The following ZCCHC2 variants were observed in gnomAD, a reference collection of about 807,000 sequenced individuals.
ZCCHC2 encodes the protein zinc finger CCHC-type containing 2, also known as zinc finger CCHC domain-containing protein 2.
In ZCCHC2, 39 loss-of-function variants were observed where a neutral mutation model predicts 103.6. The observed-to-expected ratio is 0.38, with a 90% confidence interval of 0.29 to 0.49. The LOEUF is 0.49. ZCCHC2 is among the 20% of genes least tolerant of loss of function. The pLI, the probability that ZCCHC2 is intolerant of heterozygous loss-of-function variation, is 0.96. For missense variants in ZCCHC2, 1,483 were observed against 1,491.0 expected, an observed-to-expected ratio of 0.99 and a Z score of 0.09; for synonymous variants, 687 against 608.9, an observed-to-expected ratio of 1.13 and a Z score of -1.89.
chr18:62,535,626 T>A (rs1914889993), intron 1 of ZCCHC2, among the ~76,000 whole-genome samples: 2 of 152,144 alleles, frequency 1.3e-5, no homozygotes, highest in Non-Finnish European at 2.9e-5. Context: ...GAAGTGCATG[T>A]CTCATGTGGT....
chr18:62,564,094 A>G (rs1176182328), intron 9 of ZCCHC2, among the ~76,000 whole-genome samples: 1 of 152,228 alleles, frequency 6.6e-6, no homozygotes, highest in Non-Finnish European at 1.5e-5. Flanking sequence ...GTTTTTATGC[A>G]TTAAAGCATA....
chr18:62,526,334 A>G (rs1406644030), intron 1 of ZCCHC2: 1 of 152,322 alleles, frequency 6.6e-6, no homozygotes, highest in East Asian at 1.9e-4. Flanking sequence ...GCCGCGTACT[A>G]CAGGTGACAC....
At chr18:62,541,605 AC>A (rs1915185058) in intron 2 of ZCCHC2, among the ~76,000 whole-genome samples, 2 of 151,922 alleles carry the variant, frequency 1.3e-5, no homozygotes, top group African/African-American at 2.4e-5. Flanking sequence ...CTTCTCTGTA[AC>A]CTTTAGCATA....
rs979365561 is a variant in ZCCHC2 at position 62,523,877 on chromosome 18, G to A, written c.453G>A (p.Lys151=). The part of the protein sequence containing the change: ...DYHYLRDSEA[K]ANGLSDPGPL... ...ACTACCTGCGCGACTCGGAGGCCAAGGCCAACGGCCTCTCGGACCCGGGGC... is the reference window on the plus strand; with the variant it reads ...ACTACCTGCGCGACTCGGAGGCCAAAGCCAACGGCCTCTCGGACCCGGGGC... The change falls in exon 1 of 14, where the codon AAG becomes AAA. Residue 151 remains lysine, a synonymous_variant. Coordinates refer to ENST00000269499, the MANE Select transcript of ZCCHC2 (RefSeq NM_017742.6). The A allele has an allele frequency of 6.5e-7, 1 of 1,542,652 alleles. No homozygotes were observed. Among genetic ancestry groups the A allele is most frequent in the Non-Finnish European group, 8.7e-7 (1 of 1,145,762 alleles).
At chr18:62,567,106 AT>A (rs1916402083) in intron 11 of ZCCHC2, among the ~76,000 whole-genome samples, 1 of 152,158 alleles carries the variant, frequency 6.6e-6, no homozygotes, top group Non-Finnish European at 1.5e-5. Flanking sequence ...TGAATGAAAT[AT>A]TTTTTGTACA....
chr18:62,577,089 A>C lies in ZCCHC2; in HGVS notation c.*510A>C, dbSNP rs1484367324. The C allele has an allele frequency of 6.3e-6, 1 of 158,866 alleles. No homozygotes were observed. Among genetic ancestry groups the C allele is most frequent in the African/African-American group, 2.4e-5 (1 of 41,472 alleles). The allele number at this position is 158,866 out of a possible 1,614,324, so 9.8% of individuals were successfully genotyped here. A position where few individuals can be genotyped will look rare whatever the true frequency, so the allele number is the denominator to read the frequency against. On this transcript the variant is annotated 3_prime_UTR_variant, in exon 14 of 14. Coordinates refer to ENST00000269499, the MANE Select transcript of ZCCHC2 (RefSeq NM_017742.6). The stretch of plus-strand genomic sequence containing the variant: ...AGCAGTGCATTCACCCCACTTTTGT[A>C]AACTGCTCTGCATATAAACCAAGGG...
intron 1 of ZCCHC2, chr18:62,525,574 C>G (rs1279819080): frequency 2.0e-5 from 3 of 152,132 alleles, no homozygotes; most frequent in Admixed American, 2.0e-4. Context: ...TCACTAGTGG[C>G]TTTGTGGACT....
At chr18:62,526,438 C>G (rs767484739) in intron 1 of ZCCHC2, 1 of 152,310 alleles carries the variant, frequency 6.6e-6, no homozygotes, top group Admixed American at 6.5e-5. Flanking sequence ...TAAGTTGTTA[C>G]GACCCCGCAT....
chr18:62,523,970 G>A lies in ZCCHC2; in HGVS notation c.546G>A (p.Ser182=). The A allele has an allele frequency of 6.7e-7, 1 of 1,497,894 alleles. No individual in the cohort carries two copies. The highest frequency in any genetic ancestry group is 8.9e-7 in the Non-Finnish European group (1 of 1,128,216). 92.8% of individuals were successfully genotyped at this position (1,497,894 alleles called of 1,614,324 possible). Residue 182 remains serine, a synonymous_variant, in exon 1 of 14, where the codon TCG becomes TCA. Transcript: ENST00000269499. ...RLIVYLALLG[S]ENREAAGRLH... ...TCGTCTACCTGGCGCTGCTGGGCTC[G>A]GAGAACCGGGAGGCCGCTGGCCGTC...
At chr18:62,578,849 C>T (rs1916961377), downstream of ZCCHC2, among the ~76,000 whole-genome samples, 1 of 152,164 alleles carries the variant, frequency 6.6e-6, no homozygotes, top group East Asian at 1.9e-4. Flanking sequence ...TCCCTGCAAC[C>T]TCTGCCTCCC....
At position 62,524,147 on chromosome 18, in the gene ZCCHC2, C is replaced by T. The variant is rs1348553983; in HGVS notation, c.723C>T (p.Gly241=). 6.5e-7 allele frequency: 1 copy of T among 1,544,412 alleles called. No individual in the cohort carries two copies. Among genetic ancestry groups the T allele is most frequent in the South Asian group, 1.2e-5 (1 of 83,876 alleles). Residue 241 remains glycine, a synonymous_variant, in exon 1 of 14, where the codon GGC becomes GGT. Transcript: ENST00000269499. The part of the protein sequence containing the change: ...AEKDGSGPEG[G]IVEPRVGGGL... ...AGGACGGCTCAGGCCCGGAAGGCGG[C>T]ATTGTGGAGCCCCGGGTCGGCGGCG... is the stretch of plus-strand genomic sequence containing the variant.
In ZCCHC2 at chr18:62,574,087, A is replaced by G; in HGVS notation, c.2006A>G (p.Asn669Ser). The change falls in exon 13 of 14, where the codon AAT (asparagine) becomes AGT (serine). Residue 669 changes from asparagine (N) to serine (S), a missense_variant. Transcript: ENST00000269499. The stretch of plus-strand genomic sequence containing the variant: ...GACAGCAATTCTGAGGATTCTGGGA[A>G]TCCATCAACAACTAGGTTTACAGGT... ...DTDSNSEDSG[N>S]PSTTRFTGYG... The G allele has an allele frequency of 6.2e-7, 1 of 1,613,794 alleles. No homozygotes were observed.
intron 12 of ZCCHC2, 92 bp downstream of exon 12, chr18:62,570,323 A>G: frequency 1.3e-6 from 2 of 1,485,518 alleles, no homozygotes; most frequent in South Asian, 1.3e-5. Flanking sequence ...AAGTCAAACA[A>G]GGAATTTTAT....
At chr18:62,537,238 G>A (rs1914967728) in intron 1 of ZCCHC2, among the ~76,000 whole-genome samples, 2 of 152,046 alleles carry the variant, frequency 1.3e-5, no homozygotes, top group African/African-American at 4.8e-5. Flanking sequence ...AAGTGCAGTG[G>A]CGCAGTCATG....
intron 1 of ZCCHC2, among the ~76,000 whole-genome samples, chr18:62,537,577 C>T (rs1057374190): frequency 2.0e-5 from 3 of 152,230 alleles, no homozygotes; most frequent in African/African-American, 7.2e-5. Context: ...AGCATACTCT[C>T]TTTGGGATTC....
chr18:62,535,931 T>C (rs1313718562), intron 1 of ZCCHC2, among the ~76,000 whole-genome samples: 1 of 152,228 alleles, frequency 6.6e-6, no homozygotes, highest in African/African-American at 2.4e-5. Context: ...AATAAAAAAC[T>C]CTTACTGCTG....
Position 62,539,876 on chromosome 18 carries a change from T to C in ZCCHC2, c.1051+84T>C. On this transcript the variant is annotated intron_variant, in intron 2 of 13. Transcript: ENST00000269499. ...CTTTACGCTGATTAACTCTAAACTT[T>C]TTACTCTCCTTTTTGAAGTGGAGAA... 4 of 1,100,850 alleles carry C rather than the reference T, an allele frequency of 3.6e-6. No individual in the cohort carries two copies. In the East Asian group the frequency reaches 1.0e-4, roughly 29 times the overall value. The allele number at this position is 1,100,850 out of a possible 1,614,324, so 68.2% of individuals were successfully genotyped here.
chr18:62,550,810 T>C (rs1216532887), intron 5 of ZCCHC2, among the ~76,000 whole-genome samples: 2 of 152,248 alleles, frequency 1.3e-5, no homozygotes, highest in African/African-American at 2.4e-5. Flanking sequence ...GTCAAGTGCC[T>C]GGGCTGGTGG....
chr18:62,557,452 C>T (rs1247654157), intron 6 of ZCCHC2, among the ~76,000 whole-genome samples: 2 of 152,124 alleles, frequency 1.3e-5, no homozygotes, highest in African/African-American at 4.8e-5. Context: ...ACGGGCTAAC[C>T]TTTAAAGTTT....
Sources: allele counts gnomAD v4.1 joint callset (sites outside exome capture counted in the v4.1 genomes callset), GRCh38; gene constraint gnomAD v4.1.1; transcripts MANE v1.5; gene names NCBI Gene and HGNC (gene_info 2026-07-23, HGNC 2026-07-21).